ADCY2: variants seen among roughly 807,000 people sequenced by gnomAD.
ADCY2 encodes the protein adenylate cyclase type 2.
Under a neutral mutation model 125.2 loss-of-function variants are expected in ADCY2, and 31 were observed. The observed-to-expected ratio is 0.25, with a 90% CI of 0.19 to 0.33. The LOEUF (loss-of-function observed/expected upper bound fraction) is 0.33, where lower values mean the gene tolerates loss of function less well. ADCY2 is among the 10% of genes least tolerant of loss of function. The pLI is 1.00. For synonymous variants in ADCY2, 512 were observed against 548.4 expected (o/e 0.93, Z 0.93); for missense variants, 904 against 1,418.2 (o/e 0.64, Z 5.82).
intron 4 of ADCY2, among the ~76,000 whole-genome samples, chr5:7,660,500 T>C (rs1739491136): frequency 6.6e-6 from 1 of 152,108 alleles, no homozygotes; most frequent in Non-Finnish European, 1.5e-5. Context: ...AAATTTACTT[T>C]AAGGAACTGG....
intron 14 of ADCY2, among the ~76,000 whole-genome samples, chr5:7,728,020 T>C (rs1369366189): frequency 1.3e-5 from 2 of 152,200 alleles, no homozygotes; most frequent in Non-Finnish European, 2.9e-5. Context: ...ACTGGGGATA[T>C]GGAAAGAAAT....
intron 4 of ADCY2, among the ~76,000 whole-genome samples, chr5:7,674,393 C>T (rs555782691): frequency 5.8e-4 from 88 of 152,260 alleles, no homozygotes; most frequent in African/African-American, 2.1e-3. Flanking sequence ...CACAGGACAG[C>T]AGGGCTGGCT....
At chr5:7,444,889 GGA>G (rs1741179006) in intron 2 of ADCY2, among the ~76,000 whole-genome samples, 1 of 152,092 alleles carries the variant, frequency 6.6e-6, no homozygotes, top group South Asian at 2.1e-4. Context: ...TGTGTCCAAA[GGA>G]CATTTGAATT....
rs538037168 is a variant in ADCY2, at chr5:7,475,797, G to A, written c.409-44941G>A. Among the ~76,000 whole-genome samples, 6 of 152,322 alleles carry A rather than the reference G, an allele frequency of 3.9e-5. 1 individual carries two copies. The South Asian group carries it at 8.3e-4, about 21-fold the overall frequency. ...AGGGCAGAAGCCTGCACTCCTTTCC[G>A]AAATGAGGAGACTGTGGCGGGACTG... is the stretch of plus-strand genomic sequence containing the variant. On this transcript the variant is annotated intron_variant, in intron 2 of 24. Coordinates refer to ENST00000338316, the MANE Select transcript of ADCY2 (RefSeq NM_020546.3).
intron 3 of ADCY2, among the ~76,000 whole-genome samples, chr5:7,565,202 G>T (rs1260641365): frequency 6.6e-6 from 1 of 152,210 alleles, no homozygotes; most frequent in Non-Finnish European, 1.5e-5. Context: ...TTCAGGGTCA[G>T]TCTTTTTACT....
At chr5:7,517,877 G>A (rs990140135) in intron 2 of ADCY2, among the ~76,000 whole-genome samples, 2 of 152,128 alleles carry the variant, frequency 1.3e-5, no homozygotes, top group East Asian at 1.9e-4. Flanking sequence ...AAATGCTAAA[G>A]GTTTTTGCAT....
intron 3 of ADCY2, among the ~76,000 whole-genome samples, chr5:7,527,408 G>T (rs2055388): frequency 0.82 from 124,712 of 152,256 alleles, 54,646 homozygotes; most frequent in Non-Finnish European, 0.97. Flanking sequence ...ATATTCCTAT[G>T]TATACATCAT....
At chr5:7,725,909 A>G (rs1305426611) in intron 13 of ADCY2, among the ~76,000 whole-genome samples, 1 of 152,206 alleles carries the variant, frequency 6.6e-6, no homozygotes, top group Admixed American at 6.5e-5. Context: ...CCATGTACAC[A>G]TATTTGCAGA....
Position 7,822,829 on chromosome 5 carries a change from A to C in ADCY2, c.3123+2140A>C, listed in dbSNP as rs183322660. Among the ~76,000 whole-genome samples, 30 of 152,310 alleles carry C rather than the reference A, an allele frequency of 2.0e-4. No individual in the cohort carries two copies. The East Asian group carries it at 4.2e-3, about 22-fold the overall frequency. On this transcript the variant is annotated intron_variant, in intron 24 of 24. Transcript: ENST00000338316. The stretch of plus-strand genomic sequence containing the variant: ...CCGTTATGTTACATTCTGGAAAATG[A>C]ATTTCTGCTAAATGGAAAATTTATA...
At chr5:7,599,528 C>T (rs1326327187) in intron 3 of ADCY2, among the ~76,000 whole-genome samples, 2 of 152,182 alleles carry the variant, frequency 1.3e-5, no homozygotes, top group East Asian at 3.9e-4. Context: ...CTAGAATGTG[C>T]GTGAGGCCAC....
At chr5:7,708,413 CT>C (rs1344266209) in intron 9 of ADCY2, among the ~76,000 whole-genome samples, 2 of 152,172 alleles carry the variant, frequency 1.3e-5, no homozygotes, top group Non-Finnish European at 2.9e-5. Flanking sequence ...GAAACTATCT[CT>C]TATTTCATTC....
chr5:7,550,238 A>G (rs950309653), intron 3 of ADCY2, among the ~76,000 whole-genome samples: 49 of 152,312 alleles, frequency 3.2e-4, no homozygotes, highest in African/African-American at 1.1e-3. Context: ...GAATTGATGA[A>G]GAACTTTTTT....
At chr5:7,715,592 C>T in intron 11 of ADCY2, among the ~76,000 whole-genome samples, 1 of 151,274 alleles carries the variant, frequency 6.6e-6, no homozygotes, top group East Asian at 1.9e-4. Flanking sequence ...ATTAATTTGC[C>T]TGCTTCAAAC....
chr5:7,713,692 CCT>C (rs551799443), intron 11 of ADCY2, among the ~76,000 whole-genome samples: 79 of 152,134 alleles, frequency 5.2e-4, no homozygotes, highest in African/African-American at 1.7e-3. Context: ...CCTTTTTTCC[CCT>C]GTTCCTCTAT....
chr5:7,717,152 T>C lies in ADCY2; in HGVS notation c.1623-5T>C. 1 of 1,594,994 alleles carries C rather than the reference T, an allele frequency of 6.3e-7. No individual in the cohort carries two copies. The highest frequency in any genetic ancestry group is 1.1e-5 in the South Asian group (1 of 88,562). On this transcript the variant is annotated splice_region_variant and splice_polypyrimidine_tract_variant and intron_variant, in intron 11 of 24. Transcript: ENST00000338316. ...CTTACCCATAATATTCCATTTTTCATATAGAACCAAGTCACAAAAGAAGAG... is the reference window on the plus strand; with the variant it reads ...CTTACCCATAATATTCCATTTTTCACATAGAACCAAGTCACAAAAGAAGAG...
chr5:7,439,703 G>A (rs781777186), intron 2 of ADCY2, among the ~76,000 whole-genome samples: 2 of 152,132 alleles, frequency 1.3e-5, no homozygotes, highest in Non-Finnish European at 2.9e-5. Context: ...AAAGTGTCAC[G>A]GAGAAAGTTC....
intron 3 of ADCY2, among the ~76,000 whole-genome samples, chr5:7,526,419 T>C (rs1306215383): frequency 6.6e-6 from 1 of 151,914 alleles, no homozygotes; most frequent in Non-Finnish European, 1.5e-5. Context: ...AGGGAAATTA[T>C]AGTTTACAAC....
At chr5:7,562,516 G>T (rs1203384405) in intron 3 of ADCY2, among the ~76,000 whole-genome samples, 1 of 152,054 alleles carries the variant, frequency 6.6e-6, no homozygotes, top group African/African-American at 2.4e-5. Flanking sequence ...GTCATTTTCT[G>T]TGCTGAACAG....
intron 4 of ADCY2, among the ~76,000 whole-genome samples, chr5:7,680,362 T>G (rs1410988573): frequency 6.6e-6 from 1 of 152,140 alleles, no homozygotes; most frequent in Non-Finnish European, 1.5e-5. Context: ...CTGATAGCGC[T>G]GAGGGTGAGA....
Sources: allele counts gnomAD v4.1 joint callset (sites outside exome capture counted in the v4.1 genomes callset), GRCh38; gene constraint gnomAD v4.1.1; transcripts MANE v1.5; gene names NCBI Gene and HGNC (gene_info 2026-07-23, HGNC 2026-07-21).